The following OTOG variants were observed in gnomAD, a reference collection of about 807,000 sequenced individuals.
OTOG encodes otogelin.
OTOG carries 296 observed loss-of-function variants against 313.8 expected under a neutral mutation model. That is an observed-to-expected ratio of 0.94 (90% CI 0.86 to 1.04). The LOEUF (loss-of-function observed/expected upper bound fraction) is 1.04. Ranked by LOEUF, OTOG falls within the 50% of genes least tolerant of loss-of-function variation. The probability of loss-of-function intolerance (pLI) is 0.00; values close to 1 mark genes in which losing one functional copy is unlikely to be tolerated. For missense variants in OTOG, 3,948 were observed against 3,840.1 expected (o/e 1.03, Z -0.74); for synonymous variants, 1,533 against 1,554.9 (o/e 0.99, Z 0.33).
At chr11:17,638,922 C>T (rs867539536) in intron 48 of OTOG, 6 of 558,630 alleles carry the variant, frequency 1.1e-5, no homozygotes, top group Admixed American at 9.2e-5. Context: ...ACGGTGAAAC[C>T]CTGTGTCTAC....
Position 17,629,137 on chromosome 11 carries a change from CTG to C in OTOG, c.6536_6537del (p.Val2179GlyfsTer17). ...CACACTGAATTCCCTCCCAAGGTGA[CTG>C]TGGACTTGCAGCCTGTGTGGCCACC... On this transcript the variant is annotated frameshift_variant, in exon 40 of 56. Transcript: ENST00000399397. LOFTEE classifies it high-confidence loss of function. 2 of 1,550,216 alleles carry C rather than the reference CTG, an allele frequency of 1.3e-6. No individual in the cohort carries two copies. Among genetic ancestry groups the C allele is most frequent in the Non-Finnish European group, 1.7e-6 (2 of 1,146,798 alleles).
chr11:17,563,854 GTTTTTTTTT>G (rs61373849), intron 15 of OTOG, among the ~76,000 whole-genome samples: 16 of 106,618 alleles, frequency 1.5e-4, no homozygotes, highest in African/African-American at 6.4e-4. Flanking sequence ...CTAGTTTTTG[GTTTTTTTTT>G]TTTTTTTTTT....
chr11:17,643,675 G>A (rs970715244), intron 54 of OTOG, among the ~76,000 whole-genome samples, 169 bp downstream of exon 54: 7 of 152,198 alleles, frequency 4.6e-5, no homozygotes, highest in Admixed American at 3.3e-4. Context: ...CGGCACTGAC[G>A]CAAATATGCA....
At chr11:17,639,561 A>G in intron 49 of OTOG, 98 bp downstream of exon 49, 1 of 1,312,672 alleles carries the variant, frequency 7.6e-7, no homozygotes, top group Non-Finnish European at 1.1e-6. Flanking sequence ...AATCTAGTGC[A>G]AGGAACCCGG....
At chr11:17,583,220 G>A (rs1852714396) in intron 23 of OTOG, among the ~76,000 whole-genome samples, 1 of 151,976 alleles carries the variant, frequency 6.6e-6, no homozygotes, top group African/African-American at 2.4e-5. Flanking sequence ...CAGCAGCCTT[G>A]AACTCCTTAG....
chr11:17,586,146 T>C (rs1852789449), intron 23 of OTOG, among the ~76,000 whole-genome samples: 1 of 152,190 alleles, frequency 6.6e-6, no homozygotes, highest in Non-Finnish European at 1.5e-5. Flanking sequence ...CCCATATCCA[T>C]GACCTGTTCA....
Position 17,610,564 on chromosome 11 carries a change from A to G in OTOG, c.5264A>G (p.His1755Arg), listed in dbSNP as rs751899611. The G allele has an allele frequency of 6.5e-7, 1 of 1,550,382 alleles. No homozygotes were observed. Among genetic ancestry groups the G allele is most frequent in the South Asian group, 1.2e-5 (1 of 84,004 alleles). ...TCTGCACCACCCCGCCCAGCCCAGC[A>G]TACCACCATGGCCACCAGGTCTCCA... The part of the protein sequence containing the change: ...LPSAPPRPAQ[H>R]TTMATRSPAL... The change falls in exon 36 of 56, where the codon CAT becomes CGT. Residue 1755 changes from histidine (H) to arginine (R), a missense_variant. By Grantham distance (29) the His-to-Arg change is conservative (BLOSUM62 0). Coordinates refer to ENST00000399397, the MANE Select transcript of OTOG (RefSeq NM_001292063.2).
At position 17,635,152 on chromosome 11, in the gene OTOG, G is replaced by C. The variant is rs563003848; in HGVS notation, c.7658G>C (p.Arg2553Pro). The change falls in exon 46 of 56, where the codon CGC becomes CCC. Residue 2553 changes from arginine (R) to proline (P), a missense_variant. Transcript: ENST00000399397. ...CRQDQILITGRLGDSCCTSYF... is the reference protein window; with the variant it reads ...CRQDQILITGPLGDSCCTSYF... ...CAGGACCAGATCCTGATCACGGGCC[G>C]CCTGGGGGACTCCTGCTGCACCTCC... is the stretch of plus-strand genomic sequence containing the variant. 329 of 1,547,980 alleles carry C rather than the reference G, an allele frequency of 2.1e-4. No homozygotes were observed. The highest frequency in any genetic ancestry group is 3.7e-4 in the Admixed American group (19 of 50,964).
At chr11:17,604,217 G>A (rs376054761) in intron 32 of OTOG, among the ~76,000 whole-genome samples, 8 of 152,196 alleles carry the variant, frequency 5.3e-5, no homozygotes, top group African/African-American at 1.7e-4. Context: ...GAAGTCACTC[G>A]AATATTTACA....
chr11:17,605,656 C>G (rs1477006085), intron 32 of OTOG, among the ~76,000 whole-genome samples: 2 of 151,936 alleles, frequency 1.3e-5, no homozygotes, highest in Non-Finnish European at 2.9e-5. Context: ...AGCCTCCGCT[C>G]GCCCTCAGGC....
chr11:17,572,819 A>G (rs1380535410), intron 18 of OTOG, among the ~76,000 whole-genome samples: 3 of 152,080 alleles, frequency 2.0e-5, no homozygotes, highest in Non-Finnish European at 4.4e-5. Context: ...TGAAGTTTCT[A>G]TATGAATTTT....
Position 17,594,067 on chromosome 11 carries a change from T to A in OTOG, c.3309T>A (p.Cys1103Ter). The change falls in exon 28 of 56, where the codon TGT becomes TGA. Residue 1103 changes from cysteine (C) to a stop codon, truncating the protein, a stop_gained. Transcript: ENST00000399397. LOFTEE classifies it high-confidence loss of function. ...TTCAGGGCCAGCTGGCGGGCCTCTG[T>A]GGGAACTTTGACTTAAAAACCATCA... is the stretch of plus-strand genomic sequence containing the variant. ...PQWQGQLAGL[C>*]GNFDLKTINE... 6.4e-7 allele frequency: 1 copy of A among 1,550,510 alleles called. No homozygotes were observed. Among genetic ancestry groups the A allele is most frequent in the African/African-American group, 1.4e-5 (1 of 73,138 alleles).
intron 39 of OTOG, among the ~76,000 whole-genome samples, chr11:17,627,864 A>G (rs547538596): frequency 6.6e-5 from 10 of 152,128 alleles, no homozygotes; most frequent in Non-Finnish European, 8.8e-5. Flanking sequence ...TTCTACTGGC[A>G]TATAGCTTCT....
intron 45 of OTOG, 35 bp from the exon 46 acceptor site, chr11:17,635,045 C>A: frequency 6.5e-7 from 1 of 1,539,000 alleles, no homozygotes; most frequent in Non-Finnish European, 8.8e-7. Context: ...CAGGCAGGTT[C>A]CTCTCCCAGC....
At chr11:17,623,238 T>C (rs927468980) in intron 39 of OTOG, among the ~76,000 whole-genome samples, 5 of 152,152 alleles carry the variant, frequency 3.3e-5, no homozygotes, top group Admixed American at 6.6e-5. Context: ...CAGATTATTT[T>C]GTCACCCAGG....
intron 40 of OTOG, among the ~76,000 whole-genome samples, chr11:17,630,022 C>A (rs1179175858): frequency 1.3e-5 from 2 of 152,162 alleles, no homozygotes; most frequent in African/African-American, 4.8e-5. Context: ...CCTCCACCTG[C>A]ACCCCGGTGA....
chr11:17,612,059 C>T, intron 36 of OTOG, 103 bp from the exon 37 acceptor site: 1 of 1,374,824 alleles, frequency 7.3e-7, no homozygotes, highest in South Asian at 1.3e-5. Context: ...GGTCCCCTGC[C>T]CCGCTAGGAC....
At chr11:17,608,897 C>T (rs1314158993) in intron 34 of OTOG, among the ~76,000 whole-genome samples, 1 of 152,014 alleles carries the variant, frequency 6.6e-6, no homozygotes, top group Non-Finnish European at 1.5e-5. Context: ...GTTTCCCTCT[C>T]GGTCTGAGGG....
Position 17,635,716 on chromosome 11 carries a change from G to A in OTOG, c.7795+5G>A. 2.6e-6 allele frequency: 4 copies of A among 1,549,296 alleles called. No homozygotes were observed. Among genetic ancestry groups the A allele is most frequent in the South Asian group, 1.2e-5 (1 of 84,044 alleles). On this transcript the variant is annotated splice_donor_5th_base_variant and intron_variant, in intron 47 of 55. Coordinates refer to ENST00000399397, the MANE Select transcript of OTOG (RefSeq NM_001292063.2). The stretch of plus-strand genomic sequence containing the variant: ...GCTGCCCTCTGTACCAGTGTGGTGA[G>A]TCCTGGCTGGGCACATGGCGGGCTG...
Sources: gnomAD v4.1 joint callset for allele counts (sites outside exome capture counted in the v4.1 genomes callset) on GRCh38, gnomAD v4.1.1 for gene constraint, MANE v1.5 for transcripts, NCBI Gene and HGNC (gene_info 2026-07-23, HGNC 2026-07-21) for gene names.